The following DLGAP2 variants were observed in gnomAD, a reference collection of about 807,000 sequenced individuals.
The protein encoded by DLGAP2 is disks large-associated protein 2.
Under a neutral mutation model 100.3 loss-of-function variants are expected in DLGAP2, and 26 were observed. The ratio of observed to expected loss-of-function variants is 0.26; its 90% CI spans 0.19 to 0.36. DLGAP2 has a LOEUF of 0.36. Ranked by LOEUF, DLGAP2 falls within the 10% of genes least tolerant of loss-of-function variation. The pLI is 1.00. For missense variants in DLGAP2, 1,858 were observed against 1,453.2 expected, an observed-to-expected ratio of 1.28 and a Z score of -4.53; for synonymous variants, 886 against 630.1, an observed-to-expected ratio of 1.41 and a Z score of -6.08.
At position 1,444,146 on chromosome 8, in the gene DLGAP2, C is replaced by T. The variant is rs150923800; in HGVS notation, c.107-57220C>T. Among the ~76,000 whole-genome samples, 331 of 152,190 alleles carry T rather than the reference C, an allele frequency of 2.2e-3. 5 individuals carry two copies. The highest frequency in any genetic ancestry group is 6.8e-3 in the Middle Eastern group (2 of 294). On this transcript the variant is annotated intron_variant, in intron 3 of 14. Coordinates refer to ENST00000637795, the MANE Select transcript of DLGAP2 (RefSeq NM_001346810.2). ...CGTTGCCCAGGCTGGAGTGCAGTGGCGCGATCATAGCTCACTACAGCCTTG... is the reference window on the plus strand; with the variant it reads ...CGTTGCCCAGGCTGGAGTGCAGTGGTGCGATCATAGCTCACTACAGCCTTG...
At chr8:1,451,512 CT>C (rs58005828) in intron 3 of DLGAP2, among the ~76,000 whole-genome samples, 77,276 of 151,738 alleles carry the variant, frequency 0.51, 20,261 homozygotes, top group East Asian at 0.83. Context: ...AGCACCACCC[CT>C]GGTCCCATAA....
In DLGAP2 at chr8:1,594,544, G is replaced by A. The variant is rs529673482; in HGVS notation, c.1442+28650G>A. ...ACATCGTTACAAATAATTCAATCAG[G>A]ACAGCAAAAAATAGCAATAAAAAGA... On this transcript the variant is annotated intron_variant, in intron 6 of 14. Transcript: ENST00000637795. Among the ~76,000 whole-genome samples the A allele has an allele frequency of 2.6e-5, 4 of 152,084 alleles. No homozygotes were observed. The East Asian group carries it at 7.8e-4, about 29-fold the overall frequency.
rs571984417 is a variant in DLGAP2, at chr8:1,310,985, A to G, written c.106+52102A>G. Among the ~76,000 whole-genome samples the G allele has an allele frequency of 7.5e-4, 114 of 152,238 alleles. 1 individual carries two copies. The highest frequency in any genetic ancestry group is 1.3e-3 in the Non-Finnish European group (86 of 68,046). Reference sequence around the variant, plus strand: ...AAATTCAAAAAATAGAGTATCAACAAAACTGAAGTCAGTTGATTGAAAAGA... The same window carrying G: ...AAATTCAAAAAATAGAGTATCAACAGAACTGAAGTCAGTTGATTGAAAAGA... On this transcript the variant is annotated intron_variant, in intron 3 of 14. Coordinates refer to ENST00000637795, the MANE Select transcript of DLGAP2 (RefSeq NM_001346810.2).
chr8:1,682,235 G>A (rs1253303304), intron 12 of DLGAP2, among the ~76,000 whole-genome samples: 3 of 152,156 alleles, frequency 2.0e-5, no homozygotes, highest in Non-Finnish European at 4.4e-5. Flanking sequence ...TCCCGCGTTA[G>A]CCATTGGAAA....
chr8:1,328,173 G>A (rs186440909), intron 3 of DLGAP2, among the ~76,000 whole-genome samples: 7 of 152,044 alleles, frequency 4.6e-5, no homozygotes, highest in African/African-American at 7.2e-5. Context: ...CCAAGTAGCC[G>A]GGACTACAGG....
chr8:1,047,702 G>A (rs1042313022), intron 2 of DLGAP2, among the ~76,000 whole-genome samples: 4 of 151,982 alleles, frequency 2.6e-5, no homozygotes, highest in Non-Finnish European at 5.9e-5. Flanking sequence ...AGGCCAAGGC[G>A]GGTCTCTGTG....
At chr8:1,615,487 C>T (rs1021711624) in intron 6 of DLGAP2, among the ~76,000 whole-genome samples, 1 of 152,156 alleles carries the variant, frequency 6.6e-6, no homozygotes, top group Non-Finnish European at 1.5e-5. Context: ...GATGGTAGAA[C>T]TCACCAGAAA....
rs142347656 is a variant in DLGAP2 at position 1,498,210 on chromosome 8, C to T, written c.107-3156C>T. On this transcript the variant is annotated intron_variant, in intron 3 of 14. Coordinates refer to ENST00000637795, the MANE Select transcript of DLGAP2 (RefSeq NM_001346810.2). ...GATAAGGGGTTGTGGAGATGCAGTT[C>T]CCACCGTGCAGAGGAAGCCTCCAGG... Among the ~76,000 whole-genome samples the T allele has an allele frequency of 3.9e-5, 6 of 152,216 alleles. No individual in the cohort carries two copies. In the East Asian group the frequency reaches 5.8e-4, roughly 15 times the overall value.
At chr8:1,020,653 C>T (rs1227517764) in intron 2 of DLGAP2, among the ~76,000 whole-genome samples, 1 of 152,178 alleles carries the variant, frequency 6.6e-6, no homozygotes, top group East Asian at 1.9e-4. Flanking sequence ...CCTGTGAGCA[C>T]CCTGATCTTA....
chr8:1,466,293 A>T (rs962142581), intron 3 of DLGAP2, among the ~76,000 whole-genome samples: 3 of 152,050 alleles, frequency 2.0e-5, no homozygotes. Context: ...ATTTGGTGCC[A>T]GGCAACCTGA....
At chr8:952,328 G>A (rs1476122284) in intron 2 of DLGAP2, among the ~76,000 whole-genome samples, 1 of 152,196 alleles carries the variant, frequency 6.6e-6, no homozygotes, top group Non-Finnish European at 1.5e-5. Context: ...TATGTCTCTT[G>A]ATGTTTATTG....
chr8:1,044,943 G>C (rs1334025776), intron 2 of DLGAP2, among the ~76,000 whole-genome samples: 1 of 152,202 alleles, frequency 6.6e-6, no homozygotes, highest in Non-Finnish European at 1.5e-5. Context: ...GGTGAGGCCA[G>C]CATTCCCTCC....
intron 3 of DLGAP2, among the ~76,000 whole-genome samples, chr8:1,277,081 C>T (rs1799712715): frequency 6.6e-6 from 1 of 152,082 alleles, no homozygotes; most frequent in Non-Finnish European, 1.5e-5. Flanking sequence ...ACAAGTTGTA[C>T]CTTCTGGAAT....
At chr8:1,538,746 C>T (rs1469419749) in intron 4 of DLGAP2, among the ~76,000 whole-genome samples, 1 of 152,150 alleles carries the variant, frequency 6.6e-6, no homozygotes, top group Non-Finnish European at 1.5e-5. Flanking sequence ...GGGTGCAGCC[C>T]TCCCCGCAGC....
intron 2 of DLGAP2, among the ~76,000 whole-genome samples, chr8:1,095,045 A>G (rs1227374979): frequency 6.6e-6 from 1 of 151,906 alleles, no homozygotes; most frequent in Non-Finnish European, 1.5e-5. Context: ...CTGGTGCAAC[A>G]GCCTGCACTG....
chr8:1,645,101 G>A (rs936120795), intron 8 of DLGAP2, among the ~76,000 whole-genome samples: 2 of 152,072 alleles, frequency 1.3e-5, no homozygotes, highest in African/African-American at 4.8e-5. Flanking sequence ...TCTAATGAAT[G>A]AATCAAATGA....
intron 4 of DLGAP2, among the ~76,000 whole-genome samples, chr8:1,533,083 G>A (rs1172555104): frequency 6.9e-5 from 10 of 144,262 alleles, no homozygotes; most frequent in East Asian, 2.0e-4. Context: ...ATTCTCCCCC[G>A]AAGAAATTTG....
intron 8 of DLGAP2, among the ~76,000 whole-genome samples, chr8:1,647,092 T>C (rs919146883): frequency 2.0e-5 from 3 of 152,174 alleles, no homozygotes; most frequent in Non-Finnish European, 4.4e-5. Flanking sequence ...TGTGGACTGA[T>C]GGTTCCAGGG....
At chr8:1,057,519 G>A (rs573948441) in intron 2 of DLGAP2, among the ~76,000 whole-genome samples, 1 of 152,262 alleles carries the variant, frequency 6.6e-6, no homozygotes, top group South Asian at 2.1e-4. Context: ...TCAGCTCTTC[G>A]TTTGTTGTCT....
Sources: allele counts gnomAD v4.1 joint callset (sites outside exome capture counted in the v4.1 genomes callset), GRCh38; gene constraint gnomAD v4.1.1; transcripts MANE v1.5; gene names NCBI Gene and HGNC (gene_info 2026-07-23, HGNC 2026-07-21).